FUT9: variants seen among roughly 807,000 people sequenced by gnomAD.
FUT9 encodes the protein 4-galactosyl-N-acetylglucosaminide 3-alpha-L-fucosyltransferase 9.
A neutral mutation model predicts 29.7 loss-of-function variants in FUT9; 15 were observed. That is an observed-to-expected ratio of 0.51 (90% CI 0.34 to 0.78). FUT9 has a LOEUF of 0.78. Among genes scored for constraint, FUT9 ranks in the 30% least tolerant of loss-of-function variants. The pLI is 0.01. For synonymous variants in FUT9, 169 were observed against 153.7 expected, an observed-to-expected ratio of 1.10 and a Z score of -0.74; for missense variants, 319 against 425.4, an observed-to-expected ratio of 0.75 and a Z score of 2.20.
intron 1 of FUT9, among the ~76,000 whole-genome samples, chr6:96,023,240 A>G (rs948482877): frequency 6.6e-6 from 1 of 151,958 alleles, no homozygotes; most frequent in African/African-American, 2.4e-5. Context: ...GACTACCAGA[A>G]GGATTAAACA....
At chr6:96,152,760 T>TCATTTGG (rs1344150040) in intron 2 of FUT9, among the ~76,000 whole-genome samples, 1 of 152,186 alleles carries the variant, frequency 6.6e-6, no homozygotes, top group Non-Finnish European at 1.5e-5. Flanking sequence ...TTCTGCCAAG[T>TCATTTGG]ACAAATAATT....
At chr6:96,039,159 C>T (rs947663908) in intron 1 of FUT9, among the ~76,000 whole-genome samples, 4 of 152,138 alleles carry the variant, frequency 2.6e-5, no homozygotes, top group Middle Eastern at 3.4e-3. Flanking sequence ...ACATAATTTA[C>T]GCTCAGCAGA....
rs1190195623 is a variant in FUT9 at position 96,173,788 on chromosome 6, A to C, written c.-8-29360A>C. The stretch of plus-strand genomic sequence containing the variant: ...AAAATCACACAAATTTTTTTTCTCT[A>C]ATACTGTCTATCTCCTAAGATCTGC... On this transcript the variant is annotated intron_variant, in intron 2 of 2. Transcript: ENST00000302103. 4.0e-5 allele frequency among the ~76,000 whole-genome samples: 6 copies of C among 151,412 alleles called. No individual in the cohort carries two copies. In the East Asian group the frequency reaches 9.7e-4, roughly 25 times the overall value.
At chr6:96,086,331 A>T (rs1227247582) in intron 1 of FUT9, among the ~76,000 whole-genome samples, 1 of 152,136 alleles carries the variant, frequency 6.6e-6, no homozygotes, top group Non-Finnish European at 1.5e-5. Flanking sequence ...TTTCTGATTC[A>T]AAGCTTTGGT....
intron 1 of FUT9, among the ~76,000 whole-genome samples, chr6:96,073,666 C>G (rs1016532146): frequency 1.3e-5 from 2 of 152,052 alleles, no homozygotes; most frequent in African/African-American, 4.8e-5. Context: ...AGAAGCAGAG[C>G]TAGAAGAATA....
chr6:96,093,978 G>T (rs1479520892), intron 1 of FUT9, among the ~76,000 whole-genome samples: 1 of 152,102 alleles, frequency 6.6e-6, no homozygotes, highest in African/African-American at 2.4e-5. Context: ...TGAAAGTTTT[G>T]CTGAAATTAA....
At chr6:96,081,152 T>C (rs186001896) in intron 1 of FUT9, among the ~76,000 whole-genome samples, 5 of 151,960 alleles carry the variant, frequency 3.3e-5, no homozygotes, top group Admixed American at 2.0e-4. Flanking sequence ...AAAAAGTATA[T>C]GTAAAGTTTA....
chr6:96,203,622 T>C lies in FUT9; in HGVS notation c.467T>C (p.Leu156Pro). The change falls in exon 3 of 3, where the codon CTG becomes CCG. Residue 156 changes from leucine to proline, a missense_variant. By Grantham distance (98) the Leu-to-Pro change is moderately conservative. Coordinates refer to ENST00000302103, the MANE Select transcript of FUT9 (RefSeq NM_006581.4). ...SGIEHLFNLT[L>P]TYRRDSDIQV... The stretch of plus-strand genomic sequence containing the variant: ...ATTGAGCACTTGTTTAACCTGACTC[T>C]GACTTACCGCCGTGATTCAGATATC... The C allele has an allele frequency of 6.2e-7, 1 of 1,614,036 alleles. No homozygotes were observed. The highest frequency in any genetic ancestry group is 8.5e-7 in the Non-Finnish European group (1 of 1,180,000).
chr6:96,122,297 A>G (rs1295571743), intron 2 of FUT9, among the ~76,000 whole-genome samples: 3 of 152,148 alleles, frequency 2.0e-5, no homozygotes, highest in Non-Finnish European at 4.4e-5. Context: ...AGTGTCTAGA[A>G]CCCCTTTAAT....
intron 2 of FUT9, among the ~76,000 whole-genome samples, chr6:96,147,119 G>C (rs994986106): frequency 1.3e-5 from 2 of 151,088 alleles, no homozygotes; most frequent in Non-Finnish European, 3.0e-5. Flanking sequence ...TATCATAGTA[G>C]CACGATCTTT....
intron 1 of FUT9, among the ~76,000 whole-genome samples, chr6:96,042,958 A>G (rs1770490413): frequency 6.6e-6 from 1 of 152,198 alleles, no homozygotes; most frequent in Non-Finnish European, 1.5e-5. Context: ...CTCTGGACCA[A>G]TGGGTTTCTT....
chr6:96,083,995 A>G (rs1771279071), intron 1 of FUT9, among the ~76,000 whole-genome samples: 1 of 152,062 alleles, frequency 6.6e-6, no homozygotes, highest in Non-Finnish European at 1.5e-5. Flanking sequence ...ACATGTCATT[A>G]TATGATAACT....
intron 2 of FUT9, among the ~76,000 whole-genome samples, chr6:96,169,797 C>A (rs531681835): frequency 7.9e-5 from 12 of 151,768 alleles, no homozygotes; most frequent in African/African-American, 2.7e-4. Context: ...ACTCATTTGG[C>A]GAAATTTAAA....
rs73757758 is a variant in FUT9 at position 96,212,108 on chromosome 6, G to A, written c.*7873G>A. 66,100 of 412,398 alleles carry A rather than the reference G, an allele frequency of 0.16. 6,088 individuals are homozygous for A. Among genetic ancestry groups the A allele is most frequent in the Admixed American group, 0.26 (5,804 of 22,678 alleles). The allele number at this position is 412,398 out of a possible 1,614,324, so 25.5% of individuals were successfully genotyped here. ...AGGAAATAGAAAGGCAGTCTCTGCA[G>A]AAGCAGTATCCAAAGGCTAAATTAA... On this transcript the variant is annotated 3_prime_UTR_variant, in exon 3 of 3. Coordinates refer to ENST00000302103, the MANE Select transcript of FUT9 (RefSeq NM_006581.4).
chr6:96,197,975 C>T (rs1264836406), intron 2 of FUT9, among the ~76,000 whole-genome samples: 1 of 152,170 alleles, frequency 6.6e-6, no homozygotes, highest in Non-Finnish European at 1.5e-5. Context: ...ATGAGGGAGC[C>T]TCCTGTTCTC....
chr6:96,066,180 G>C (rs548982959), intron 1 of FUT9, among the ~76,000 whole-genome samples: 1 of 151,994 alleles, frequency 6.6e-6, no homozygotes, highest in Non-Finnish European at 1.5e-5. Flanking sequence ...AGTTAAGAAA[G>C]TTAATTGATT....
intron 1 of FUT9, among the ~76,000 whole-genome samples, chr6:96,016,587 A>T (rs1769983326): frequency 6.6e-6 from 1 of 151,834 alleles, no homozygotes; most frequent in Admixed American, 6.6e-5. Flanking sequence ...CCTATCTGCC[A>T]CCCTTCACCC....
At chr6:96,068,355 T>C (rs1008578996) in intron 1 of FUT9, among the ~76,000 whole-genome samples, 5 of 152,158 alleles carry the variant, frequency 3.3e-5, no homozygotes, top group African/African-American at 1.2e-4. Context: ...CGTAGTAGTC[T>C]GAAGATCAGA....
At chr6:96,104,874 AGGCAGGTACAGATTTTTT>A (rs1562125828) in intron 1 of FUT9, among the ~76,000 whole-genome samples, 1 of 152,222 alleles carries the variant, frequency 6.6e-6, no homozygotes, top group Non-Finnish European at 1.5e-5. Flanking sequence ...ACAAAATAGA[AGGCAGGTACAGATTTTTT>A]GGCAGGTACA....
Sources: gnomAD v4.1 joint callset for allele counts (sites outside exome capture counted in the v4.1 genomes callset) on GRCh38, gnomAD v4.1.1 for gene constraint, MANE v1.5 for transcripts, NCBI Gene and HGNC (gene_info 2026-07-23, HGNC 2026-07-21) for gene names.